Variants in CELSR3 observed in about 807,000 individuals in gnomAD.
CELSR3 encodes cadherin EGF LAG seven-pass G-type receptor 3.
A neutral mutation model predicts 270.0 loss-of-function variants in CELSR3; 73 were observed. The observed-to-expected ratio is 0.27, with a 90% CI of 0.22 to 0.33. The LOEUF (loss-of-function observed/expected upper bound fraction) is 0.33, where lower values mean the gene tolerates loss of function less well. CELSR3 is among the 10% of genes least tolerant of loss of function. The pLI, the probability that CELSR3 is intolerant of heterozygous loss-of-function variation, is 1.00. For missense variants in CELSR3, 3,614 were observed against 4,533.8 expected (o/e 0.80, Z 5.83); for synonymous variants, 1,780 against 1,905.4 (o/e 0.93, Z 1.71).
chr3:48,646,348 C>T lies in CELSR3; in HGVS notation c.7296-91G>A. ...CCCGTCTTCATGCCACTCGCCAGGG[C>T]TGACCCAGGGTCTGGGATGTCCCCA... On this transcript the variant is annotated intron_variant, in intron 21 of 34. Coordinates refer to ENST00000164024, the MANE Select transcript of CELSR3 (RefSeq NM_001407.3). The surrounding 1 kb of genome is among the most constrained non-coding windows in gnomAD (Gnocchi z 4.8). 1.4e-6 allele frequency: 2 copies of T among 1,380,272 alleles called. No homozygotes were observed. Among genetic ancestry groups the T allele is most frequent in the Non-Finnish European group, 9.8e-7 (1 of 1,020,554 alleles). The allele number at this position is 1,380,272 out of a possible 1,614,324, so 85.5% of individuals were successfully genotyped here.
chr3:48,662,293 G>T lies in CELSR3; in HGVS notation c.342C>A (p.Gly114=). The change falls in exon 1 of 35, where the codon GGC becomes GGA. Residue 114 remains glycine (G), a synonymous_variant. Transcript: ENST00000164024. The surrounding 1 kb of genome is among the most constrained non-coding windows in gnomAD (Gnocchi z 7.1). ...QPNEELGIEH[G]VQPLGSRERE... is the part of the protein sequence containing the mutation. Reference sequence around the variant, plus strand: ...GTTCGCGGCTGCCCAATGGCTGGACGCCGTGTTCAATCCCCAGCTCCTCAT... The same window carrying T: ...GTTCGCGGCTGCCCAATGGCTGGACTCCGTGTTCAATCCCCAGCTCCTCAT... The T allele has an allele frequency of 6.2e-7, 1 of 1,613,050 alleles. No individual in the cohort carries two copies. The highest frequency in any genetic ancestry group is 1.7e-5 in the Admixed American group (1 of 60,028).
intron 17 of CELSR3, 79 bp downstream of exon 17, chr3:48,649,042 G>A: frequency 6.5e-7 from 1 of 1,540,886 alleles, no homozygotes; most frequent in Non-Finnish European, 8.9e-7. Flanking sequence ...AGGAGTTCAA[G>A]GGCTAGGGTG....
In CELSR3 at chr3:48,640,022, G is replaced by T; in HGVS notation, c.9563C>A (p.Ser3188Tyr). 1 of 1,611,800 alleles carries T rather than the reference G, an allele frequency of 6.2e-7. No homozygotes were observed. The highest frequency in any genetic ancestry group is 8.5e-7 in the Non-Finnish European group (1 of 1,179,844). ...RQLSRDPLLP[S>Y]RPLDSLSRSS... is the part of the protein sequence containing the mutation. ...CCTAGACAGAGAGTCCAGCGGCCGG[G>T]ATGGCAAGAGGGGGTCCCTTGAGAG... Residue 3188 changes from serine (S) to tyrosine (Y), a missense_variant, in exon 34 of 35, where the codon TCC (serine) becomes TAC (tyrosine). Ser to Tyr is a moderately radical substitution (Grantham distance 144). Around this residue, in one of 7 missense-constraint regions of CELSR3, gnomAD observed 1,240 missense variants for 1,351.7 expected, o/e 0.92. Transcript: ENST00000164024. This position sits in a 1 kb window ranked among gnomAD's most constrained non-coding sequence, Gnocchi z 7.5.
rs1477191419 is a variant in CELSR3, at chr3:48,656,125, G to C, written c.4625+15C>G. 4 of 1,533,630 alleles carry C rather than the reference G, an allele frequency of 2.6e-6. No homozygotes were observed. The Admixed American group carries it at 5.9e-5, about 23-fold the overall frequency. On this transcript the variant is annotated intron_variant, in intron 3 of 34. Transcript: ENST00000164024. ...GGGCGGCGGGGAGGCGCTCAGACAC[G>C]GGGCGGGCACCTACGAGAGGGACAG...
At position 48,652,390 on chromosome 3, in the gene CELSR3, A is replaced by T. The variant is rs780427021; in HGVS notation, c.5751+47T>A. 5.5e-6 allele frequency: 8 copies of T among 1,455,992 alleles called. No homozygotes were observed. Among genetic ancestry groups the T allele is most frequent in the Non-Finnish European group, 7.7e-6 (8 of 1,037,182 alleles). 90.2% of individuals were successfully genotyped at this position (1,455,992 alleles called of 1,614,324 possible). A position where few individuals can be genotyped will look rare whatever the true frequency, so the allele number is the denominator to read the frequency against. ...GGTCCCAAGGAGCCCCTGACTTCTG[A>T]CCCCTGACCCTAATGCCCCATATCA... On this transcript the variant is annotated intron_variant, in intron 11 of 34. Transcript: ENST00000164024. This position sits in a 1 kb window ranked among gnomAD's most constrained non-coding sequence, Gnocchi z 4.3.
rs750824764 is a variant in CELSR3, at chr3:48,645,845, G to T, written c.7487C>A (p.Thr2496Lys). The change falls in exon 23 of 35, where the codon ACA (threonine) becomes AAA (lysine). Residue 2496 changes from threonine to lysine, a missense_variant. Coordinates refer to ENST00000164024, the MANE Select transcript of CELSR3 (RefSeq NM_001407.3). This position sits in a 1 kb window ranked among gnomAD's most constrained non-coding sequence, Gnocchi z 5.4. ...PGLAEQHGVW[T>K]ARDCELVHRN... ...GTGCACCAGCTCGCAGTCCCGTGCT[G>T]TCCACACACCATGCTGCTCCGCCCT... 6 of 1,606,514 alleles carry T rather than the reference G, an allele frequency of 3.7e-6. No homozygotes were observed. In the African/African-American group the frequency reaches 8.0e-5, roughly 21 times the overall value.
At position 48,651,308 on chromosome 3, in the gene CELSR3, A is replaced by G; in HGVS notation, c.6186+51T>C. 1.9e-6 allele frequency: 3 copies of G among 1,607,658 alleles called. No homozygotes were observed. The highest frequency in any genetic ancestry group is 2.6e-6 in the Non-Finnish European group (3 of 1,175,356). Reference sequence around the variant, plus strand: ...GGCGGAGGTCAGCAAGCTGGACAGGAATTGCAGATTGCGTCCAAGGAAGGG... The same window carrying G: ...GGCGGAGGTCAGCAAGCTGGACAGGGATTGCAGATTGCGTCCAAGGAAGGG... On this transcript the variant is annotated intron_variant, in intron 14 of 34. Transcript: ENST00000164024. The surrounding 1 kb of genome is among the most constrained non-coding windows in gnomAD (Gnocchi z 7.4).
rs2077031585 is a variant in CELSR3, at chr3:48,657,256, T to C, written c.3841A>G (p.Asn1281Asp). 6.8e-6 allele frequency: 11 copies of C among 1,613,040 alleles called. No homozygotes were observed. In the East Asian group the frequency reaches 2.0e-4, roughly 29 times the overall value. The change falls in exon 2 of 35, where the codon AAC becomes GAC. Residue 1281 changes from asparagine to aspartate, a missense_variant. Asn to Asp is a conservative substitution (Grantham distance 23). Around this residue, in one of 7 missense-constraint regions of CELSR3, gnomAD observed 1,331 missense variants for 1,933.7 expected, o/e 0.69. Transcript: ENST00000164024. This position sits in a 1 kb window ranked among gnomAD's most constrained non-coding sequence, Gnocchi z 5.4. ...GACAGGAAGCGCTCCTGCCACATGT[T>C]CTCAAGGCGCACGGTCAGGCTGTTG... ...LANSLTVRLE[N>D]MWQERFLSPL...
chr3:48,641,852 T>A lies in CELSR3; in HGVS notation c.8823A>T (p.Lys2941Asn). 6.8e-7 allele frequency: 1 copy of A among 1,465,362 alleles called. No individual in the cohort carries two copies. The allele number at this position is 1,465,362 out of a possible 1,614,324, so 90.8% of individuals were successfully genotyped here. ...AAGGGGTCAGAGGGCGCCTGGCACC[T>A]TTGGGGTGGGTGAGGAGCCTCTCAC... is the stretch of plus-strand genomic sequence containing the variant. ...AQSERLLTHP[K>N]DVDGNDLLSY... The change falls in exon 32 of 35, where the codon AAA (lysine) becomes AAT (asparagine). Residue 2941 changes from lysine (K) to asparagine (N), a missense_variant and splice_region_variant. Coordinates refer to ENST00000164024, the MANE Select transcript of CELSR3 (RefSeq NM_001407.3). The surrounding 1 kb of genome is among the most constrained non-coding windows in gnomAD (Gnocchi z 4.8).
At position 48,640,782 on chromosome 3, in the gene CELSR3, AGGG is replaced by A. The variant is rs2047019074; in HGVS notation, c.9026-226_9026-224del. 1 of 283,250 alleles carries A rather than the reference AGGG, an allele frequency of 3.5e-6. No homozygotes were observed. Among genetic ancestry groups the A allele is most frequent in the Non-Finnish European group, 6.8e-6 (1 of 147,074 alleles). The allele number at this position is 283,250 out of a possible 1,614,324, so 17.5% of individuals were successfully genotyped here. The stretch of plus-strand genomic sequence containing the variant: ...CATCTTCCAGTTGTGGTCCCGGGGC[AGGG>A]GGAGGGCGGGCAGGTCTCATGGTGC... On this transcript the variant is annotated intron_variant, in intron 33 of 34. Transcript: ENST00000164024. This position sits in a 1 kb window ranked among gnomAD's most constrained non-coding sequence, Gnocchi z 7.5.
In CELSR3 at chr3:48,648,426, T is replaced by G. The variant is rs1239569827; in HGVS notation, c.6813A>C (p.Pro2271=). The G allele has an allele frequency of 6.3e-7, 1 of 1,599,642 alleles. No individual in the cohort carries two copies. The highest frequency in any genetic ancestry group is 1.3e-5 in the African/African-American group (1 of 74,516). The part of the protein sequence containing the change: ...LLWAGSALLA[P]ETGDLWAALG... ...GCGCCGCCCACAAGTCCCCTGTCTC[T>G]GGGGCAAGCAGTGCAGAGCCGGCCC... Residue 2271 remains proline, a synonymous_variant, in exon 19 of 35, where the codon CCA becomes CCC. Transcript: ENST00000164024.
Position 48,645,168 on chromosome 3 carries a change from G to A in CELSR3, c.7839C>T (p.Phe2613=), listed in dbSNP as rs776223628. 5 of 1,593,982 alleles carry A rather than the reference G, an allele frequency of 3.1e-6. No individual in the cohort carries two copies. Among genetic ancestry groups the A allele is most frequent in the Middle Eastern group, 3.3e-4 (2 of 6,012 alleles). Residue 2613 remains phenylalanine, a synonymous_variant, in exon 25 of 35, where the codon TTC becomes TTT. Coordinates refer to ENST00000164024, the MANE Select transcript of CELSR3 (RefSeq NM_001407.3). This position sits in a 1 kb window ranked among gnomAD's most constrained non-coding sequence, Gnocchi z 5.4. ...TAVAILLHYF[F]LSTFAWLFVQ... is the part of the protein sequence containing the mutation. ...CGAAGAGCCACGCGAAGGTGCTGAG[G>A]AAGAAGTAGTGCAGGAGGATGGCGA...
In CELSR3 at chr3:48,637,917, T is replaced by G; in HGVS notation, c.*288A>C. On this transcript the variant is annotated 3_prime_UTR_variant, in exon 35 of 35. Transcript: ENST00000164024. ...TCTCCCTCCCCCTCCCAGCCCAGCC[T>G]CAAACCCCCCAGGAGACAGAAAAGC... 1.4e-5 allele frequency: 4 copies of G among 277,960 alleles called. No individual in the cohort carries two copies. The highest frequency in any genetic ancestry group is 4.6e-5 in the Admixed American group (1 of 21,970). 17.2% of individuals were successfully genotyped at this position (277,960 alleles called of 1,614,324 possible).
chr3:48,645,266 C>T lies in CELSR3; in HGVS notation c.7798-57G>A. On this transcript the variant is annotated intron_variant, in intron 24 of 34. Transcript: ENST00000164024. This position sits in a 1 kb window ranked among gnomAD's most constrained non-coding sequence, Gnocchi z 5.4. ...CTGCCTCACCCACCTCTGACCCCTA[C>T]CCCAGGCATCTGCTTCCCACCTCTC... 1.3e-6 allele frequency: 2 copies of T among 1,544,550 alleles called. No homozygotes were observed. The highest frequency in any genetic ancestry group is 1.7e-4 in the Middle Eastern group (1 of 5,788).
intron 28 of CELSR3, 39 bp from the exon 29 acceptor site, chr3:48,643,122 T>A (rs370457974): frequency 2.8e-5 from 37 of 1,344,084 alleles, no homozygotes; most frequent in Non-Finnish European, 1.1e-5. Context: ...TCGGCAGGGA[T>A]CAATCAGGGA....
chr3:48,642,102 G>T lies in CELSR3; in HGVS notation c.8666-93C>A. 1.6e-6 allele frequency: 2 copies of T among 1,277,432 alleles called. No homozygotes were observed. The highest frequency in any genetic ancestry group is 2.5e-5 in the East Asian group (1 of 40,242). 79.1% of individuals were successfully genotyped at this position (1,277,432 alleles called of 1,614,324 possible). A position where few individuals can be genotyped will look rare whatever the true frequency, so the allele number is the denominator to read the frequency against. The stretch of plus-strand genomic sequence containing the variant: ...AGGGTCTAGAGGTGGGTACGGCAAG[G>T]GGGTTAGGGTTGGGGACAGGAACCG... On this transcript the variant is annotated intron_variant, in intron 31 of 34. Transcript: ENST00000164024. This position sits in a 1 kb window ranked among gnomAD's most constrained non-coding sequence, Gnocchi z 6.1.
In CELSR3 at chr3:48,657,405, G is replaced by T; in HGVS notation, c.3749-57C>A. ...TGGGGACAGTGGCCACCCCTCCCTGGGACACAAGAGGGCTGGGGCCAGCGA... is the reference window on the plus strand; with the variant it reads ...TGGGGACAGTGGCCACCCCTCCCTGTGACACAAGAGGGCTGGGGCCAGCGA... On this transcript the variant is annotated intron_variant, in intron 1 of 34. Transcript: ENST00000164024. This position sits in a 1 kb window ranked among gnomAD's most constrained non-coding sequence, Gnocchi z 5.4. 6.8e-7 allele frequency: 1 copy of T among 1,477,858 alleles called. No individual in the cohort carries two copies. Among genetic ancestry groups the T allele is most frequent in the Non-Finnish European group, 9.0e-7 (1 of 1,113,008 alleles). 91.5% of individuals were successfully genotyped at this position (1,477,858 alleles called of 1,614,324 possible).
rs755376057 is a variant in CELSR3 at position 48,640,292 on chromosome 3, C to T, written c.9293G>A (p.Arg3098Gln). ...APAPVLRPLSRPGSQECMDAA... is the reference protein window; with the variant it reads ...APAPVLRPLSQPGSQECMDAA... ...ATCCATGCATTCCTGGGACCCTGGC[C>T]GGCTCAGGGGACGTAGAACAGGGGC... is the stretch of plus-strand genomic sequence containing the variant. The change falls in exon 34 of 35, where the codon CGG becomes CAG. Residue 3098 changes from arginine to glutamine, a missense_variant. Transcript: ENST00000164024. The surrounding 1 kb of genome is among the most constrained non-coding windows in gnomAD (Gnocchi z 7.5). The T allele has an allele frequency of 1.6e-5, 25 of 1,612,652 alleles. No homozygotes were observed. Among genetic ancestry groups the T allele is most frequent in the East Asian group, 1.3e-4 (6 of 44,896 alleles).
Position 48,651,088 on chromosome 3 carries a change from G to A in CELSR3, c.6187-13C>T, listed in dbSNP as rs1652707548. 1 of 1,544,576 alleles carries A rather than the reference G, an allele frequency of 6.5e-7. No individual in the cohort carries two copies. Among genetic ancestry groups the A allele is most frequent in the Admixed American group, 2.0e-5 (1 of 50,584 alleles). On this transcript the variant is annotated splice_polypyrimidine_tract_variant and intron_variant, in intron 14 of 34. Coordinates refer to ENST00000164024, the MANE Select transcript of CELSR3 (RefSeq NM_001407.3). The surrounding 1 kb of genome is among the most constrained non-coding windows in gnomAD (Gnocchi z 7.4). ...GGTAGTGGAACTCCTGTTTGAGGAT[G>A]GGCCAGGGGCCTGAAGTCAGAGGTC...
Sources: gnomAD v4.1 joint callset for allele counts on GRCh38, gnomAD v4.1.1 for gene constraint, gnomAD v4.1.1 regional missense constraint, Gnocchi (gnomAD v3.1) non-coding constraint, MANE v1.5 for transcripts, NCBI Gene and HGNC (gene_info 2026-07-23, HGNC 2026-07-21) for gene names.